WNK3: variants seen among roughly 807,000 people sequenced by gnomAD.
The protein encoded by WNK3 is WNK lysine deficient protein kinase 3.
In WNK3, 18 loss-of-function variants were observed where a neutral mutation model predicts 116.7. The observed-to-expected ratio is 0.15, with a 90% CI of 0.11 to 0.23. The LOEUF (loss-of-function observed/expected upper bound fraction) is 0.23. Ranked by LOEUF, WNK3 falls within the 10% of genes least tolerant of loss-of-function variation. WNK3 has a pLI of 1.00. For missense variants in WNK3, 993 were observed against 1,323.8 expected (o/e 0.75, Z 3.88); for synonymous variants, 404 against 469.4 (o/e 0.86, Z 1.80).
In WNK3 at chrX:54,255,766, T is replaced by C. The variant is rs782185007; in HGVS notation, c.2224A>G (p.Thr742Ala). The C allele has an allele frequency of 2.5e-6, 3 of 1,206,731 alleles. No individual in the cohort carries two copies. The African/African-American group carries it at 5.2e-5, about 21-fold the overall frequency. The stretch of plus-strand genomic sequence containing the variant: ...TGAAGGACGGTAAGCTGAAATTTAG[T>C]CCCCTTCTCTGGTCGGGGACAGGAA... The change falls in exon 12 of 24, where the codon ACT becomes GCT. Residue 742 changes from threonine to alanine, a missense_variant. Transcript: ENST00000354646.
intron 22 of WNK3, among the ~76,000 whole-genome samples, chrX:54,216,187 C>A (rs1401158850): frequency 9.2e-6 from 1 of 109,070 alleles, no homozygotes; most frequent in Non-Finnish European, 1.9e-5. Context: ...AAACCAGAGA[C>A]CTTTGTTCAC....
exon 2 of WNK3, chrX:54,333,386 A>G: frequency 8.3e-7 from 1 of 1,211,318 alleles, no homozygotes; most frequent in Non-Finnish European, 1.1e-6. Context: ...CTCTCAACAC[A>G]TTTGAAGGAA....
At position 54,297,296 on chromosome X, in the gene WNK3, C is replaced by T. The variant is rs191690445; in HGVS notation, c.1398+879G>A. Among the ~76,000 whole-genome samples, 44 of 111,340 alleles carry T rather than the reference C, an allele frequency of 4.0e-4. 1 individual carries two copies. Among genetic ancestry groups the T allele is most frequent in the South Asian group, 3.0e-3 (8 of 2,637 alleles). Reference sequence around the variant, plus strand: ...GTAACACAAAAGTCTGGGTAGGGGCCGGGCACAGTGGCTGATACCTGTAAT... The same window carrying T: ...GTAACACAAAAGTCTGGGTAGGGGCTGGGCACAGTGGCTGATACCTGTAAT... On this transcript the variant is annotated intron_variant, in intron 7 of 23. Transcript: ENST00000354646.
intron 20 of WNK3, among the ~76,000 whole-genome samples, chrX:54,233,942 G>A (rs1391902825): frequency 9.0e-6 from 1 of 110,571 alleles, no homozygotes; most frequent in Non-Finnish European, 1.9e-5. Flanking sequence ...CAGCACCACT[G>A]CACTCCAGCC....
intron 4 of WNK3, 128 bp from the exon 5 acceptor site, chrX:54,308,207 T>C: frequency 1.7e-6 from 1 of 605,955 alleles, no homozygotes; most frequent in South Asian, 5.0e-5. Context: ...CTTTTTTTTT[T>C]TTGAGACATA....
chrX:54,250,919 TGGAA>T (rs2068122178), intron 15 of WNK3, among the ~76,000 whole-genome samples: 1 of 111,292 alleles, frequency 9.0e-6, no homozygotes, highest in Non-Finnish European at 1.9e-5. Context: ...TTTTCGCTTC[TGGAA>T]GTTTATCTGG....
intron 22 of WNK3, among the ~76,000 whole-genome samples, chrX:54,226,384 C>T (rs2067839218): frequency 9.7e-6 from 1 of 103,302 alleles, no homozygotes; most frequent in African/African-American, 3.5e-5. Context: ...GCAGGAGAAT[C>T]GCTTGAACCT....
At chrX:54,344,738 A>G (rs1218256736) in intron 1 of WNK3, among the ~76,000 whole-genome samples, 7 of 101,038 alleles carry the variant, frequency 6.9e-5, no homozygotes, top group Middle Eastern at 6.4e-3. Context: ...AGGTCAGGAG[A>G]TCAAGACCAT....
chrX:54,327,843 C>T (rs1557173729), intron 2 of WNK3, among the ~76,000 whole-genome samples: 1 of 110,691 alleles, frequency 9.0e-6, no homozygotes, highest in Non-Finnish European at 1.9e-5. Flanking sequence ...TGACACACAT[C>T]TGTGGTCCCA....
chrX:54,344,581 T>C (rs1307990232), intron 1 of WNK3, among the ~76,000 whole-genome samples: 2 of 113,390 alleles, frequency 1.8e-5, no homozygotes, highest in African/African-American at 6.4e-5. Context: ...AATAACTCAC[T>C]GCCTTGTAGT....
intron 8 of WNK3, among the ~76,000 whole-genome samples, 196 bp from the exon 9 acceptor site, chrX:54,293,523 T>C (rs1357573209): frequency 2.7e-5 from 3 of 111,973 alleles, no homozygotes; most frequent in Non-Finnish European, 5.6e-5. Flanking sequence ...AATGTTGACA[T>C]TGTGGTATAA....
chrX:54,247,175 A>G (rs1557152846), intron 17 of WNK3, among the ~76,000 whole-genome samples: 1 of 111,901 alleles, frequency 8.9e-6, no homozygotes, highest in Non-Finnish European at 1.9e-5. Context: ...AGTATGATCC[A>G]GATATAGCAA....
At chrX:54,284,127 G>A (rs1042308565) in intron 10 of WNK3, among the ~76,000 whole-genome samples, 1 of 111,043 alleles carries the variant, frequency 9.0e-6, no homozygotes, top group Non-Finnish European at 1.9e-5. Context: ...AAAGACTGGA[G>A]AATATATTTA....
Position 54,255,899 on chromosome X carries a change from T to G in WNK3, c.2103-12A>C, listed in dbSNP as rs1557155426. ...CATCTTGATTCAAGCTAGTAATATTTTTAAAAAAGTAACTCATTCCAGTCT... is the reference window on the plus strand; with the variant it reads ...CATCTTGATTCAAGCTAGTAATATTGTTAAAAAAGTAACTCATTCCAGTCT... On this transcript the variant is annotated splice_polypyrimidine_tract_variant and intron_variant, in intron 11 of 23. Coordinates refer to ENST00000354646, the Ensembl canonical transcript of WNK3. 1.2e-5 allele frequency: 14 copies of G among 1,186,976 alleles called. No homozygotes were observed. Among genetic ancestry groups the G allele is most frequent in the Non-Finnish European group, 1.5e-5 (13 of 882,212 alleles).
chrX:54,295,204 C>CT (rs74314292), intron 7 of WNK3, among the ~76,000 whole-genome samples: 1,206 of 102,181 alleles, frequency 0.012, 14 homozygotes, highest in African/African-American at 0.037. Flanking sequence ...CCAATTTTAA[C>CT]TTTTTTTTTT....
At chrX:54,300,298 G>A (rs1247597885) in intron 6 of WNK3, among the ~76,000 whole-genome samples, 7 of 110,771 alleles carry the variant, frequency 6.3e-5, no homozygotes, top group African/African-American at 2.0e-4. Flanking sequence ...GACTACAGGC[G>A]TGTGACACTA....
At chrX:54,265,529 G>A (rs1241942744) in intron 10 of WNK3, among the ~76,000 whole-genome samples, 5 of 111,214 alleles carry the variant, frequency 4.5e-5, no homozygotes, top group Admixed American at 2.9e-4. Context: ...TCTACATGAG[G>A]TCAGAGAGTT....
intron 4 of WNK3, 81 bp downstream of exon 4, chrX:54,309,014 A>G: frequency 1.2e-6 from 1 of 845,389 alleles, no homozygotes; most frequent in Non-Finnish European, 1.7e-6. Context: ...CACTGGCCAT[A>G]GCTGGCTGAT....
intron 17 of WNK3, among the ~76,000 whole-genome samples, chrX:54,241,957 A>C (rs781842159): frequency 4.5e-5 from 5 of 109,927 alleles, no homozygotes; most frequent in Admixed American, 2.0e-4. Flanking sequence ...CCATCTCAAA[A>C]AAAAAAAAAA....
Sources: allele counts gnomAD v4.1 joint callset (sites outside exome capture counted in the v4.1 genomes callset), GRCh38; gene constraint gnomAD v4.1.1; transcripts MANE v1.5; gene names NCBI Gene and HGNC (gene_info 2026-07-23, HGNC 2026-07-21).